NBPF3: variants seen among roughly 807,000 people sequenced by gnomAD.
NBPF3 encodes the protein NBPF family member NBPF3.
NBPF3 carries 57 observed loss-of-function variants against 78.1 expected under a neutral mutation model. That is an observed-to-expected ratio of 0.73 (90% CI 0.59 to 0.91). The LOEUF is 0.91. Ranked by LOEUF, NBPF3 falls within the 40% of genes least tolerant of loss-of-function variation. NBPF3 has a pLI of 0.00. For synonymous variants in NBPF3, 182 were observed against 271.7 expected (o/e 0.67, Z 3.25); for missense variants, 510 against 715.3 (o/e 0.71, Z 3.27).
chr1:21,450,190 G>C lies in NBPF3; in HGVS notation c.133+4971G>C, dbSNP rs1641229002. Among the ~76,000 whole-genome samples, 2 of 152,092 alleles carry C rather than the reference G, an allele frequency of 1.3e-5. 1 individual carries two copies. The highest frequency in any genetic ancestry group is 4.1e-4 in the South Asian group (2 of 4,828). The stretch of plus-strand genomic sequence containing the variant: ...TCTAGAGCTCAAGCTATTTTTCCAA[G>C]TTCACTACAGATATTGAAAGAGTTC... On this transcript the variant is annotated intron_variant, in intron 2 of 14. Transcript: ENST00000318249.
chr1:21,457,991 A>G (rs1194368379), intron 2 of NBPF3, among the ~76,000 whole-genome samples: 1 of 152,232 alleles, frequency 6.6e-6, no homozygotes, highest in Non-Finnish European at 1.5e-5. Context: ...CTATATGTGT[A>G]TGTGGAAGTG....
upstream of NBPF3, chr1:21,437,422 A>T: frequency 8.1e-7 from 1 of 1,237,010 alleles, no homozygotes; most frequent in Non-Finnish European, 1.1e-6. Flanking sequence ...ACGTAGGCCT[A>T]GAGGAACAGA....
chr1:21,464,245 C>CA (rs1418863216), intron 2 of NBPF3, among the ~76,000 whole-genome samples: 2 of 152,082 alleles, frequency 1.3e-5, no homozygotes, highest in African/African-American at 4.8e-5. Context: ...GATGAATAAA[C>CA]AAAATGTGGT....
chr1:21,463,605 A>T (rs920721842), intron 2 of NBPF3, among the ~76,000 whole-genome samples: 1 of 152,244 alleles, frequency 6.6e-6, no homozygotes, highest in Non-Finnish European at 1.5e-5. Flanking sequence ...AAATAGATAA[A>T]TGGACTTCAT....
At chr1:21,447,651 G>C (rs749600652) in intron 2 of NBPF3, among the ~76,000 whole-genome samples, 1 of 152,092 alleles carries the variant, frequency 6.6e-6, no homozygotes, top group African/African-American at 2.4e-5. Context: ...TCATTCACTT[G>C]GTGAAAGACA....
chr1:21,475,100 G>A, intron 8 of NBPF3, 149 bp downstream of exon 8: 1 of 706,098 alleles, frequency 1.4e-6, no homozygotes, highest in Non-Finnish European at 2.4e-6. Flanking sequence ...CATTATTTGT[G>A]GCCCTTGTGT....
chr1:21,472,876 T>C lies in NBPF3; in HGVS notation c.695T>C (p.Val232Ala), dbSNP rs1189902026. 5 of 1,613,076 alleles carry C rather than the reference T, an allele frequency of 3.1e-6. No homozygotes were observed. The highest frequency in any genetic ancestry group is 3.3e-4 in the Middle Eastern group (2 of 6,048). The change falls in exon 6 of 15, where the codon GTT (valine) becomes GCT (alanine). Residue 232 changes from valine to alanine, a missense_variant. By Grantham distance (64) the Val-to-Ala change is moderately conservative (BLOSUM62 0). Coordinates refer to ENST00000318249, the MANE Select transcript of NBPF3 (RefSeq NM_032264.6). The stretch of plus-strand genomic sequence containing the variant: ...GACGATGAGGATGAAGATGTTAAAG[T>C]TGAGGAGGCTGAGAAAGTACAGGAA... ...NDDDEDEDVKVEEAEKVQELY... is the reference protein window; with the variant it reads ...NDDDEDEDVKAEEAEKVQELY...
At position 21,472,080 on chromosome 1, in the gene NBPF3, G is replaced by A. The variant is rs190637442; in HGVS notation, c.661+297G>A. On this transcript the variant is annotated intron_variant, in intron 5 of 14. Transcript: ENST00000318249. ...AGGAAGGAGGCTGTGACGGGAGGGC[G>A]CTTTTTAGAGTGAAAAGAGCTCTGG... 3.9e-5 allele frequency among the ~76,000 whole-genome samples: 6 copies of A among 152,300 alleles called. No homozygotes were observed. In the East Asian group the frequency reaches 7.7e-4, roughly 20 times the overall value.
intron 12 of NBPF3, 136 bp downstream of exon 12, chr1:21,481,117 T>TGAAAACCAATAGCAA: frequency 1.3e-6 from 1 of 751,706 alleles, no homozygotes; most frequent in Non-Finnish European, 2.1e-6. Flanking sequence ...CACATTGCTA[T>TGAAAACCAATAGCAA]TGGTTTTCAT....
chr1:21,443,968 T>C (rs1291076668), intron 1 of NBPF3, among the ~76,000 whole-genome samples: 2 of 152,242 alleles, frequency 1.3e-5, no homozygotes, highest in African/African-American at 4.8e-5. Flanking sequence ...TAAAATCTCT[T>C]ACGGCTGTTA....
intron 1 of NBPF3, among the ~76,000 whole-genome samples, chr1:21,443,255 T>G (rs1640765890): frequency 6.6e-6 from 1 of 152,180 alleles, no homozygotes; most frequent in Admixed American, 6.5e-5. Flanking sequence ...TGATTGTCAG[T>G]TTCTTGGCTA....
At chr1:21,471,877 GT>G in intron 5 of NBPF3, 94 bp downstream of exon 5, 1 of 1,520,532 alleles carries the variant, frequency 6.6e-7, no homozygotes, top group Non-Finnish European at 9.1e-7. Flanking sequence ...TATCGGTGGT[GT>G]TTTTTCCCAC....
rs112863717 is a variant in NBPF3 at position 21,442,816 on chromosome 1, C to G, written c.-139-2132C>G. ...AGCTGCGACTATAGGCATGTGCCAC[C>G]ATGCCTGGCTAATTTTCGTATTTTT... On this transcript the variant is annotated intron_variant, in intron 1 of 14. Coordinates refer to ENST00000318249, the MANE Select transcript of NBPF3 (RefSeq NM_032264.6). Among the ~76,000 whole-genome samples the G allele has an allele frequency of 2.9e-4, 44 of 152,254 alleles. 1 individual carries two copies. Among genetic ancestry groups the G allele is most frequent in the African/African-American group, 8.4e-4 (35 of 41,538 alleles).
In NBPF3 at chr1:21,460,223, A is replaced by G. The variant is rs1641872964; in HGVS notation, c.134-8465A>G. 1.3e-5 allele frequency: 2 copies of G among 154,572 alleles called. No homozygotes were observed. Among genetic ancestry groups the G allele is most frequent in the Non-Finnish European group, 2.9e-5 (2 of 69,338 alleles). 9.6% of individuals were successfully genotyped at this position (154,572 alleles called of 1,614,324 possible). A position where few individuals can be genotyped will look rare whatever the true frequency, so the allele number is the denominator to read the frequency against. The stretch of plus-strand genomic sequence containing the variant: ...GCTGTGCAGTGGCCCTCGCACCGCC[A>G]TATATATATATTTATTATACTTTAA... On this transcript the variant is annotated intron_variant, in intron 2 of 14. Transcript: ENST00000318249. This position sits in a 1 kb window ranked among gnomAD's most constrained non-coding sequence, Gnocchi z 4.2.
At chr1:21,461,125 T>G (rs1641925254) in intron 2 of NBPF3, among the ~76,000 whole-genome samples, 1 of 152,198 alleles carries the variant, frequency 6.6e-6, no homozygotes, top group Non-Finnish European at 1.5e-5. Context: ...CCTACATCTT[T>G]CATAGAAATG....
In NBPF3 at chr1:21,470,615, T is replaced by G; in HGVS notation, c.344-17T>G. 1 of 1,567,574 alleles carries G rather than the reference T, an allele frequency of 6.4e-7. No individual in the cohort carries two copies. The highest frequency in any genetic ancestry group is 8.7e-7 in the Non-Finnish European group (1 of 1,145,854). On this transcript the variant is annotated splice_polypyrimidine_tract_variant and intron_variant, in intron 3 of 14. Coordinates refer to ENST00000318249, the MANE Select transcript of NBPF3 (RefSeq NM_032264.6). ...GTCCAGCCTTTCACTGAGGCAGGCG[T>G]GTGTGTCTTTTCTCAGACTATGAAG...
intron 8 of NBPF3, among the ~76,000 whole-genome samples, chr1:21,477,149 A>G (rs1303346528): frequency 6.6e-6 from 1 of 152,120 alleles, no homozygotes; most frequent in Non-Finnish European, 1.5e-5. Context: ...GGTCTCCTCT[A>G]CATTGTTTAT....
intron 2 of NBPF3, among the ~76,000 whole-genome samples, chr1:21,451,557 C>T (rs184225134): frequency 4.6e-4 from 70 of 152,288 alleles, no homozygotes; most frequent in African/African-American, 1.6e-3. Flanking sequence ...GGATACAGGA[C>T]ACCTGTCATC....
Position 21,445,128 on chromosome 1 carries a change from C to A in NBPF3, c.42C>A (p.Leu14=). The A allele has an allele frequency of 6.2e-7, 1 of 1,611,898 alleles. No individual in the cohort carries two copies. The highest frequency in any genetic ancestry group is 8.5e-7 in the Non-Finnish European group (1 of 1,179,838). The change falls in exon 2 of 15, where the codon CTC becomes CTA. Residue 14 remains leucine, a synonymous_variant. Coordinates refer to ENST00000318249, the MANE Select transcript of NBPF3 (RefSeq NM_032264.6). ...TPTVQGFQWT[L]RGPDVETSPF... ...CTGTCCAGGGCTTCCAGTGGACTCT[C>A]CGAGGCCCTGATGTAGAAACTTCCC...
Sources: gnomAD v4.1 joint callset for allele counts (sites outside exome capture counted in the v4.1 genomes callset) on GRCh38, gnomAD v4.1.1 for gene constraint, Gnocchi (gnomAD v3.1) non-coding constraint, MANE v1.5 for transcripts, NCBI Gene and HGNC (gene_info 2026-07-23, HGNC 2026-07-21) for gene names.